The following FHAD1 variants were observed in gnomAD, a reference collection of about 807,000 sequenced individuals.
FHAD1 encodes the protein forkhead associated phosphopeptide binding domain 1.
In FHAD1, 146 loss-of-function variants were observed where a neutral mutation model predicts 191.3. The ratio of observed to expected loss-of-function variants is 0.76; its 90% CI spans 0.67 to 0.88. FHAD1 has a LOEUF of 0.88. Ranked by LOEUF, FHAD1 falls within the 40% of genes least tolerant of loss-of-function variation. The pLI, the probability that FHAD1 is intolerant of heterozygous loss-of-function variation, is 0.00. For missense variants in FHAD1, 1,635 were observed against 1,785.8 expected (o/e 0.92, Z 1.52); for synonymous variants, 616 against 672.3 (o/e 0.92, Z 1.29).
In FHAD1 at chr1:15,367,373, G is replaced by A. The variant is rs1302946500; in HGVS notation, c.3155-90G>A. On this transcript the variant is annotated intron_variant, in intron 24 of 33. Coordinates refer to ENST00000688493, the MANE Select transcript of FHAD1 (RefSeq NM_001391957.1). ...TAGCCAGTCGTGGTGGCGCATGCCC[G>A]TAATCCCACGTACACAAGAGGCTGA... 1.8e-5 allele frequency: 26 copies of A among 1,418,060 alleles called. 1 individual carries two copies. The highest frequency in any genetic ancestry group is 8.4e-5 in the South Asian group (6 of 71,410). The allele number at this position is 1,418,060 out of a possible 1,614,324, so 87.8% of individuals were successfully genotyped here. A position where few individuals can be genotyped will look rare whatever the true frequency, so the allele number is the denominator to read the frequency against.
At chr1:15,271,079 C>A (rs974269898) in intron 2 of FHAD1, among the ~76,000 whole-genome samples, 1 of 142,876 alleles carries the variant, frequency 7.0e-6, no homozygotes, top group Non-Finnish European at 1.5e-5. Flanking sequence ...GCAGAGCTTG[C>A]AGTGAGCTAA....
At chr1:15,358,472 C>T (rs553296613) in intron 21 of FHAD1, among the ~76,000 whole-genome samples, 189 bp downstream of exon 21, 34 of 152,340 alleles carry the variant, frequency 2.2e-4, no homozygotes, top group Non-Finnish European at 4.4e-4. Context: ...TGTTCTCTAC[C>T]CACCAGATGC....
At chr1:15,297,515 G>A (rs1667344115) in intron 5 of FHAD1, among the ~76,000 whole-genome samples, 1 of 152,224 alleles carries the variant, frequency 6.6e-6, no homozygotes, top group Admixed American at 6.5e-5. Flanking sequence ...ACACACGGGA[G>A]TGACATGTCC....
At chr1:15,296,630 G>A (rs776210361) in intron 4 of FHAD1, 54 bp from the exon 5 acceptor site, 1 of 1,397,758 alleles carries the variant, frequency 7.2e-7, no homozygotes, top group South Asian at 1.2e-5. Flanking sequence ...TCTTCTTCAG[G>A]CCTCAGGGAA....
chr1:15,383,715 C>G (rs1701444836), intron 31 of FHAD1: 1 of 302,654 alleles, frequency 3.3e-6, no homozygotes, highest in Non-Finnish European at 6.7e-6. Context: ...GTCTCCAGGC[C>G]AGGGACTGGG....
In FHAD1 at chr1:15,388,170, G is replaced by A. The variant is rs778495290; in HGVS notation, c.4269+39G>A. 5 of 1,232,166 alleles carry A rather than the reference G, an allele frequency of 4.1e-6. No homozygotes were observed. In the South Asian group the frequency reaches 6.3e-5, roughly 15 times the overall value. The allele number at this position is 1,232,166 out of a possible 1,614,324, so 76.3% of individuals were successfully genotyped here. A position where few individuals can be genotyped will look rare whatever the true frequency, so the allele number is the denominator to read the frequency against. On this transcript the variant is annotated intron_variant, in intron 32 of 33. Transcript: ENST00000688493. ...TCTGATGTTGCAGACACAGAGTAGAGACAGTCTCAACTGGGGGTAAGAGCT... is the reference window on the plus strand; with the variant it reads ...TCTGATGTTGCAGACACAGAGTAGAAACAGTCTCAACTGGGGGTAAGAGCT...
chr1:15,350,381 G>T (rs550531553), intron 19 of FHAD1, among the ~76,000 whole-genome samples: 29 of 152,362 alleles, frequency 1.9e-4, no homozygotes, highest in Admixed American at 1.7e-3. Flanking sequence ...GTGAGAACTG[G>T]AAGGGAAAAG....
At chr1:15,271,098 C>A (rs1472370622) in intron 2 of FHAD1, among the ~76,000 whole-genome samples, 18 of 146,186 alleles carry the variant, frequency 1.2e-4, no homozygotes, top group African/African-American at 4.7e-4. Context: ...AAGATCGCAC[C>A]ACTGCACTCC....
chr1:15,257,337 C>T (rs567696470), intron 2 of FHAD1, among the ~76,000 whole-genome samples: 5 of 152,322 alleles, frequency 3.3e-5, no homozygotes, highest in African/African-American at 7.2e-5. Context: ...ACATGGTATC[C>T]GTGACATTTT....
chr1:15,366,370 C>T (rs998882670), intron 24 of FHAD1, among the ~76,000 whole-genome samples: 1 of 150,878 alleles, frequency 6.6e-6, no homozygotes, highest in Non-Finnish European at 1.5e-5. Context: ...ACCTTTAACT[C>T]AGGGTCAGCA....
Position 15,382,030 on chromosome 1 carries a change from G to T in FHAD1, c.4025G>T (p.Arg1342Leu). 1 of 1,551,960 alleles carries T rather than the reference G, an allele frequency of 6.4e-7. No individual in the cohort carries two copies. The highest frequency in any genetic ancestry group is 8.7e-7 in the Non-Finnish European group (1 of 1,147,050). The change falls in exon 31 of 34, where the codon CGG becomes CTG. Residue 1342 changes from arginine to leucine, a missense_variant and splice_region_variant. Physicochemically the swap from Arg to Leu is moderately radical, Grantham distance 102. Transcript: ENST00000688493. ...GYEKDVEQLR[R>L]SKVSIEMYQS... ...CGCCATCTCTCCTGTGCACCCAGGC[G>T]GAGCAAAGTGTCCATTGAGATGTAC...
At chr1:15,306,130 G>A (rs1330777635) in intron 6 of FHAD1, among the ~76,000 whole-genome samples, 2 of 152,200 alleles carry the variant, frequency 1.3e-5, no homozygotes, top group East Asian at 1.9e-4. Context: ...TGGAGATGAG[G>A]AACTTGTTGG....
At chr1:15,263,218 T>A (rs746536928) in intron 2 of FHAD1, among the ~76,000 whole-genome samples, 1 of 152,198 alleles carries the variant, frequency 6.6e-6, no homozygotes, top group Non-Finnish European at 1.5e-5. Context: ...TTTTCAGATA[T>A]GTGATTTGTA....
At chr1:15,375,581 G>A in intron 27 of FHAD1, 22 bp from the exon 28 acceptor site, 1 of 1,505,140 alleles carries the variant, frequency 6.6e-7, no homozygotes, top group Non-Finnish European at 8.8e-7. Context: ...TTTCTTTTGA[G>A]TCTACTTTAT....
upstream of FHAD1, among the ~76,000 whole-genome samples, chr1:15,244,301 C>G (rs1301090074): frequency 6.6e-6 from 1 of 152,176 alleles, no homozygotes; most frequent in Non-Finnish European, 1.5e-5. The surrounding 1 kb of genome is among the most constrained non-coding windows in gnomAD (Gnocchi z 5.1). Flanking sequence ...TCCACTGATT[C>G]TGAGTGTCAG....
At chr1:15,383,167 T>G (rs545488885) in intron 31 of FHAD1, 1 of 471,722 alleles carries the variant, frequency 2.1e-6, no homozygotes, top group African/African-American at 2.0e-5. Context: ...AGATGGGAGC[T>G]TCCAGCCCCT....
At chr1:15,326,934 C>T (rs1678907852) in intron 11 of FHAD1, 125 bp from the exon 12 acceptor site, 5 of 625,906 alleles carry the variant, frequency 8.0e-6, no homozygotes, top group African/African-American at 1.8e-5. Context: ...TCTGATAACG[C>T]GGAATGGTCA....
At chr1:15,387,250 C>G (rs1378209913) in intron 31 of FHAD1, among the ~76,000 whole-genome samples, 2 of 152,210 alleles carry the variant, frequency 1.3e-5, no homozygotes, top group East Asian at 1.9e-4. Flanking sequence ...CTCATTATTT[C>G]CCAAGATTTT....
intron 3 of FHAD1, among the ~76,000 whole-genome samples, chr1:15,287,469 G>A (rs117857637): frequency 1.9e-3 from 294 of 152,266 alleles, no homozygotes; most frequent in East Asian, 0.015. Context: ...CTCACATGGC[G>A]GCAGCAAGGA....
Sources: gnomAD v4.1 joint callset for allele counts (sites outside exome capture counted in the v4.1 genomes callset) on GRCh38, gnomAD v4.1.1 for gene constraint, Gnocchi (gnomAD v3.1) non-coding constraint, MANE v1.5 for transcripts, NCBI Gene and HGNC (gene_info 2026-07-23, HGNC 2026-07-21) for gene names.